PIK3CB: variants seen among roughly 807,000 people sequenced by gnomAD.
The protein encoded by PIK3CB is phosphatidylinositol 4,5-bisphosphate 3-kinase catalytic subunit beta isoform.
A neutral mutation model predicts 136.8 loss-of-function variants in PIK3CB; 39 were observed. The observed-to-expected ratio is 0.29, with a 90% CI of 0.22 to 0.37. PIK3CB has a LOEUF of 0.37. PIK3CB is among the 10% of genes least tolerant of loss of function. The pLI, the probability that PIK3CB is intolerant of heterozygous loss-of-function variation, is 1.00. For missense variants in PIK3CB, 868 were observed against 1,275.4 expected (o/e 0.68, Z 4.87); for synonymous variants, 428 against 436.6 (o/e 0.98, Z 0.25).
At position 138,822,283 on chromosome 3, in the gene PIK3CB, CA is replaced by C. The variant is rs1278505907; in HGVS notation, c.-122+12411del. On this transcript the variant is annotated intron_variant, in intron 1 of 23. Coordinates refer to ENST00000674063, the MANE Select transcript of PIK3CB (RefSeq NM_006219.3). ...GTATGGTGGCTCACGCCTATAATCC[CA>C]GCACTTTGGGAGGCCGAGGCAGGCA... 1.5e-4 allele frequency among the ~76,000 whole-genome samples: 23 copies of C among 152,274 alleles called. No individual in the cohort carries two copies. In the East Asian group the frequency reaches 4.1e-3, roughly 27 times the overall value.
At chr3:138,732,435 G>A (rs1221660768) in intron 8 of PIK3CB, among the ~76,000 whole-genome samples, 3 of 152,032 alleles carry the variant, frequency 2.0e-5, no homozygotes, top group Admixed American at 2.0e-4. Flanking sequence ...GTAATTTTTG[G>A]CAAGGGGCTC....
In PIK3CB at chr3:138,737,740, A is replaced by G. The variant is rs996422786; in HGVS notation, c.768T>C (p.Tyr256=). The change falls in exon 6 of 24, where the codon TAT becomes TAC. Residue 256 remains tyrosine (Y), a synonymous_variant. Transcript: ENST00000674063. ...GAATTAGTGGATGATCACCAAAAAC[A>G]TATTCTACTCTCCCGCTGACTTGCA... ...YVLQVSGRVE[Y]VFGDHPLIQF... The G allele has an allele frequency of 3.7e-6, 6 of 1,609,190 alleles. No individual in the cohort carries two copies. In the African/African-American group the frequency reaches 8.0e-5, roughly 22 times the overall value.
intron 6 of PIK3CB, among the ~76,000 whole-genome samples, chr3:138,737,167 C>T (rs980914468): frequency 6.6e-6 from 1 of 151,762 alleles, no homozygotes; most frequent in Admixed American, 6.6e-5. Flanking sequence ...GCAAGTTGGG[C>T]GGATCACTTG....
At chr3:138,739,677 G>C (rs944044474) in intron 5 of PIK3CB, among the ~76,000 whole-genome samples, 2 of 150,822 alleles carry the variant, frequency 1.3e-5, no homozygotes. Flanking sequence ...GAGGCGGGCG[G>C]ATCACTTAAG....
intron 19 of PIK3CB, among the ~76,000 whole-genome samples, chr3:138,672,564 G>A (rs1577055299): frequency 1.3e-5 from 2 of 152,110 alleles, no homozygotes; most frequent in East Asian, 1.9e-4. Flanking sequence ...ATAAAGTCAC[G>A]CAGATAAATG....
Position 138,815,096 on chromosome 3 carries a change from C to T in PIK3CB, c.-121-18529G>A, listed in dbSNP as rs575784999. ...CGGAGCTTGCAGTGAGCCGTGATCG[C>T]GCCACTGCACTCCAGCCTGGGCAAC... On this transcript the variant is annotated intron_variant, in intron 1 of 23. Transcript: ENST00000674063. Among the ~76,000 whole-genome samples, 22 of 135,716 alleles carry T rather than the reference C, an allele frequency of 1.6e-4. No individual in the cohort carries two copies. The South Asian group carries it at 4.2e-3, about 26-fold the overall frequency. 89.0% of individuals were successfully genotyped at this position (135,716 alleles called of 152,430 possible).
intron 4 of PIK3CB, among the ~76,000 whole-genome samples, chr3:138,747,054 TTATATATATATATATATATATA>T (rs59299476): frequency 0.026 from 1,114 of 42,222 alleles, 42 homozygotes; most frequent in Middle Eastern, 0.061. Flanking sequence ...TATTCAGCCT[TTATATATATATATATATATATA>T]TATATATATA....
At chr3:138,684,860 A>C in intron 16 of PIK3CB, 57 bp from the exon 17 acceptor site, 4 of 1,244,136 alleles carry the variant, frequency 3.2e-6, no homozygotes, top group Non-Finnish European at 4.6e-6. Flanking sequence ...ATATAATATC[A>C]TGTGATCATA....
chr3:138,713,100 C>A (rs982063110), intron 9 of PIK3CB, among the ~76,000 whole-genome samples: 3 of 151,232 alleles, frequency 2.0e-5, no homozygotes, highest in Non-Finnish European at 4.4e-5. Flanking sequence ...GAGGATAATT[C>A]TATATTAAGG....
Position 138,741,827 on chromosome 3 carries a change from A to T in PIK3CB, c.621+731T>A, listed in dbSNP as rs202187011. Among the ~76,000 whole-genome samples the T allele has an allele frequency of 5.5e-3, 762 of 139,020 alleles. 52 individuals are homozygous for T. The East Asian group carries it at 0.13, about 23-fold the overall frequency. The allele number at this position is 139,020 out of a possible 152,430, so 91.2% of individuals were successfully genotyped here. ...TGGGCAACAGAGCAAGACTCCGTCT[A>T]AAAAAAAAAAAAAAAATCCTTGAGT... On this transcript the variant is annotated intron_variant, in intron 5 of 23. Coordinates refer to ENST00000674063, the MANE Select transcript of PIK3CB (RefSeq NM_006219.3).
intron 19 of PIK3CB, among the ~76,000 whole-genome samples, chr3:138,670,042 G>T (rs1322577772): frequency 2.0e-5 from 3 of 152,176 alleles, no homozygotes; most frequent in African/African-American, 7.2e-5. Context: ...AGATCTCACT[G>T]GACAGACAAG....
intron 8 of PIK3CB, among the ~76,000 whole-genome samples, chr3:138,730,218 TAAC>T (rs1160487988): frequency 6.6e-6 from 1 of 152,088 alleles, no homozygotes; most frequent in East Asian, 1.9e-4. Context: ...TCCATGAACA[TAAC>T]AACGGCAAAC....
intron 8 of PIK3CB, among the ~76,000 whole-genome samples, chr3:138,716,294 A>G (rs1256449136): frequency 6.6e-6 from 1 of 152,170 alleles, no homozygotes; most frequent in African/African-American, 2.4e-5. Context: ...CCAAGTACTG[A>G]GATGTTACTC....
chr3:138,695,385 G>A (rs1010533000), intron 13 of PIK3CB, among the ~76,000 whole-genome samples: 1 of 152,160 alleles, frequency 6.6e-6, no homozygotes. Flanking sequence ...AAGTCATACT[G>A]GGAGAGGTGG....
intron 19 of PIK3CB, among the ~76,000 whole-genome samples, chr3:138,680,157 A>G (rs2043739272): frequency 6.6e-6 from 1 of 151,942 alleles, no homozygotes; most frequent in African/African-American, 2.4e-5. Context: ...CAGGAGTTTG[A>G]GACCAGCCTG....
intron 1 of PIK3CB, chr3:138,825,271 C>T: frequency 2.4e-6 from 1 of 413,450 alleles, no homozygotes; most frequent in Middle Eastern, 3.5e-4. Context: ...ACATCTCAGG[C>T]TGACTGTGCT....
intron 1 of PIK3CB, among the ~76,000 whole-genome samples, chr3:138,818,063 C>G (rs1257686185): frequency 6.6e-6 from 1 of 152,104 alleles, no homozygotes; most frequent in Non-Finnish European, 1.5e-5. Context: ...GAGGTGGGAG[C>G]TATCGATAGC....
intron 2 of PIK3CB, among the ~76,000 whole-genome samples, chr3:138,760,924 A>G (rs1382635831): frequency 6.6e-6 from 1 of 152,196 alleles, no homozygotes; most frequent in African/African-American, 2.4e-5. Flanking sequence ...TAAAAATTAA[A>G]AAACAATTTT....
chr3:138,729,496 C>T (rs1482806751), intron 8 of PIK3CB, among the ~76,000 whole-genome samples: 1 of 152,144 alleles, frequency 6.6e-6, no homozygotes, highest in East Asian at 1.9e-4. Flanking sequence ...CTAGCCTCAT[C>T]CAACTAGCTG....
Sources: gnomAD v4.1 joint callset for allele counts (sites outside exome capture counted in the v4.1 genomes callset) on GRCh38, gnomAD v4.1.1 for gene constraint, MANE v1.5 for transcripts, NCBI Gene and HGNC (gene_info 2026-07-23, HGNC 2026-07-21) for gene names.